Variants in HAPLN4 observed in about 807,000 individuals in gnomAD.
HAPLN4 encodes brain link protein 2.
In HAPLN4, 19 loss-of-function variants were observed where a neutral mutation model predicts 28.0. The observed-to-expected ratio is 0.68, with a 90% CI of 0.47 to 1.00. The LOEUF is 1.00. HAPLN4 is among the 50% of genes least tolerant of loss of function. The probability of loss-of-function intolerance (pLI) is 0.00; values close to 1 mark genes in which losing one functional copy is unlikely to be tolerated. For synonymous variants in HAPLN4, 274 were observed against 273.0 expected (o/e 1.00, Z -0.03); for missense variants, 587 against 602.6 (o/e 0.97, Z 0.27).
chr19:19,261,947 G>A (rs949426096), intron 1 of HAPLN4, among the ~76,000 whole-genome samples: 3 of 152,164 alleles, frequency 2.0e-5, no homozygotes, highest in African/African-American at 7.2e-5. Context: ...AAACCGGGCC[G>A]GGGCGGGCAG....
At position 19,257,729 on chromosome 19, in the gene HAPLN4, C is replaced by G; in HGVS notation, c.*88G>C. 7.4e-7 allele frequency: 1 copy of G among 1,345,160 alleles called. No homozygotes were observed. Among genetic ancestry groups the G allele is most frequent in the East Asian group, 2.9e-5 (1 of 35,066 alleles). The allele number at this position is 1,345,160 out of a possible 1,614,324, so 83.3% of individuals were successfully genotyped here. A position where few individuals can be genotyped will look rare whatever the true frequency, so the allele number is the denominator to read the frequency against. On this transcript the variant is annotated 3_prime_UTR_variant, in exon 5 of 5. Transcript: ENST00000291481. ...GACCACAGGGAATGTGGCCAGTGTC[C>G]AGGGCTTCAAGGGCGTGGCCAGGCT...
Position 19,257,883 on chromosome 19 carries a change from C to A in HAPLN4, c.1143G>T (p.Trp381Cys). Residue 381 changes from tryptophan (W) to cysteine (C), a missense_variant, in exon 5 of 5, where the codon TGG (tryptophan) becomes TGT (cysteine). Trp to Cys is a radical substitution (Grantham distance 215). Transcript: ENST00000291481. Reference sequence around the variant, plus strand: ...CCCCTGCCCAGCCGCCGCCGCCCGCCCAGCCCCAGCCCCAGCCGCCAGGTG... The same window carrying A: ...CCCCTGCCCAGCCGCCGCCGCCCGCACAGCCCCAGCCCCAGCCGCCAGGTG... ...DPAPGGWGWG[W>C]AGGGGWAGGA... 6.8e-7 allele frequency: 1 copy of A among 1,460,462 alleles called. No homozygotes were observed. The highest frequency in any genetic ancestry group is 9.0e-7 in the Non-Finnish European group (1 of 1,114,834). The allele number at this position is 1,460,462 out of a possible 1,614,324, so 90.5% of individuals were successfully genotyped here.
chr19:19,258,046 C>A lies in HAPLN4; in HGVS notation c.980G>T (p.Ser327Ile). 6.5e-7 allele frequency: 1 copy of A among 1,547,372 alleles called. No individual in the cohort carries two copies. The highest frequency in any genetic ancestry group is 1.2e-5 in the South Asian group (1 of 85,380). Residue 327 changes from serine (S) to isoleucine (I), a missense_variant, in exon 5 of 5, where the codon AGT becomes ATT. Ser to Ile is a moderately radical substitution (Grantham distance 142). Coordinates refer to ENST00000291481, the MANE Select transcript of HAPLN4 (RefSeq NM_023002.3). This position sits in a 1 kb window ranked among gnomAD's most constrained non-coding sequence, Gnocchi z 6.2. ...CGGGTTCACGATGGGGTAGCGCGCA[C>A]TGCCATCGGCCAGCCAACCCGCGGT... ...RCTAGWLADGSARYPIVNPRA... is the reference protein window; with the variant it reads ...RCTAGWLADGIARYPIVNPRA...
Position 19,258,307 on chromosome 19 carries a change from G to T in HAPLN4, c.818-99C>A. On this transcript the variant is annotated intron_variant, in intron 4 of 4. Transcript: ENST00000291481. This position sits in a 1 kb window ranked among gnomAD's most constrained non-coding sequence, Gnocchi z 6.2. ...CCCCCGCATGCAGCCTAGGACTCTGGCCTCGGCCCCGGGATCCAGGAACAG... is the reference window on the plus strand; with the variant it reads ...CCCCCGCATGCAGCCTAGGACTCTGTCCTCGGCCCCGGGATCCAGGAACAG... 1 of 1,298,486 alleles carries T rather than the reference G, an allele frequency of 7.7e-7. No homozygotes were observed. Among genetic ancestry groups the T allele is most frequent in the Non-Finnish European group, 1.0e-6 (1 of 972,194 alleles). The allele number at this position is 1,298,486 out of a possible 1,614,324, so 80.4% of individuals were successfully genotyped here.
intron 1 of HAPLN4, among the ~76,000 whole-genome samples, chr19:19,262,206 G>C (rs1308866122): frequency 6.7e-6 from 1 of 150,056 alleles, no homozygotes; most frequent in South Asian, 2.1e-4. Context: ...ATACAGAGAT[G>C]GAGAGGGAAA....
chr19:19,258,099 C>A lies in HAPLN4; in HGVS notation c.927G>T (p.Ala309=), dbSNP rs757608400. Residue 309 remains alanine (A), a synonymous_variant, in exon 5 of 5, where the codon GCG becomes GCT. Coordinates refer to ENST00000291481, the MANE Select transcript of HAPLN4 (RefSeq NM_023002.3). This position sits in a 1 kb window ranked among gnomAD's most constrained non-coding sequence, Gnocchi z 6.2. Reference sequence around the variant, plus strand: ...AGCGGTCTAGCAGCTGCAGCTTCCACGCGGCGAACAGCTGCCCCACCTTGG... The same window carrying A: ...AGCGGTCTAGCAGCTGCAGCTTCCAAGCGGCGAACAGCTGCCCCACCTTGG... ...AVAKVGQLFA[A]WKLQLLDRCT... is the part of the protein sequence containing the mutation. 95 of 1,552,424 alleles carry A rather than the reference C, an allele frequency of 6.1e-5. No individual in the cohort carries two copies. Among genetic ancestry groups the A allele is most frequent in the Non-Finnish European group, 7.9e-5 (91 of 1,156,046 alleles).
intron 3 of HAPLN4, among the ~76,000 whole-genome samples, chr19:19,259,722 A>G (rs1253970499): frequency 6.6e-6 from 1 of 152,176 alleles, no homozygotes; most frequent in East Asian, 1.9e-4. Context: ...AGTAAAGGAG[A>G]GCTGCTGCTA....
Position 19,256,481 on chromosome 19 carries a change from C to T in HAPLN4, c.*1336G>A, listed in dbSNP as rs2060966061. 6.6e-6 allele frequency: 1 copy of T among 152,620 alleles called. No homozygotes were observed. The highest frequency in any genetic ancestry group is 2.4e-5 in the African/African-American group (1 of 41,424). The allele number at this position is 152,620 out of a possible 1,614,324, so 9.5% of individuals were successfully genotyped here. A position where few individuals can be genotyped will look rare whatever the true frequency, so the allele number is the denominator to read the frequency against. On this transcript the variant is annotated 3_prime_UTR_variant, in exon 5 of 5. Transcript: ENST00000291481. Reference sequence around the variant, plus strand: ...AGGACAACGTTGACAGTCTCTATGGCAACAGCTTGGTGAACAGGGCCCCGT... The same window carrying T: ...AGGACAACGTTGACAGTCTCTATGGTAACAGCTTGGTGAACAGGGCCCCGT...
In HAPLN4 at chr19:19,258,309, C is replaced by T. The variant is rs2060972756; in HGVS notation, c.818-101G>A. ...CCCGCATGCAGCCTAGGACTCTGGC[C>T]TCGGCCCCGGGATCCAGGAACAGTT... On this transcript the variant is annotated intron_variant, in intron 4 of 4. Coordinates refer to ENST00000291481, the MANE Select transcript of HAPLN4 (RefSeq NM_023002.3). The surrounding 1 kb of genome is among the most constrained non-coding windows in gnomAD (Gnocchi z 6.2). The T allele has an allele frequency of 7.7e-7, 1 of 1,301,952 alleles. No homozygotes were observed. The highest frequency in any genetic ancestry group is 1.0e-6 in the Non-Finnish European group (1 of 975,422). The allele number at this position is 1,301,952 out of a possible 1,614,324, so 80.6% of individuals were successfully genotyped here.
chr19:19,258,569 G>T lies in HAPLN4; in HGVS notation c.771C>A (p.Asn257Lys), dbSNP rs745741491. 6 of 1,613,620 alleles carry T rather than the reference G, an allele frequency of 3.7e-6. No homozygotes were observed. In the African/African-American group the frequency reaches 4.0e-5, roughly 11 times the overall value. ...AGAAGGCGTCGTAGCGTTCCTCGGCGTTATGGCGATACCCGTAGTTGCGCA... is the reference window on the plus strand; with the variant it reads ...AGAAGGCGTCGTAGCGTTCCTCGGCTTTATGGCGATACCCGTAGTTGCGCA... ...GGLRNYGYRHNAEERYDAFCF... is the reference protein window; with the variant it reads ...GGLRNYGYRHKAEERYDAFCF... Residue 257 changes from asparagine (N) to lysine (K), a missense_variant, in exon 4 of 5, where the codon AAC (asparagine) becomes AAA (lysine). Asn to Lys is a moderately conservative substitution (Grantham distance 94, BLOSUM62 0). Transcript: ENST00000291481. This position sits in a 1 kb window ranked among gnomAD's most constrained non-coding sequence, Gnocchi z 6.2.
rs752042742 is a variant in HAPLN4, at chr19:19,258,204, G to C, written c.822C>G (p.Arg274=). The change falls in exon 5 of 5, where the codon CGC becomes CGG. Residue 274 remains arginine, a synonymous_variant. Coordinates refer to ENST00000291481, the MANE Select transcript of HAPLN4 (RefSeq NM_023002.3). This position sits in a 1 kb window ranked among gnomAD's most constrained non-coding sequence, Gnocchi z 6.2. ...GTCGCAGCGGCTTCAGGAAGAACAC[G>C]CGCCCTGCGGGGGTGAGGTGGGGGG... ...AFCFTSNLPG[R]VFFLKPLRPV... is the part of the protein sequence containing the mutation. The C allele has an allele frequency of 1.3e-6, 2 of 1,494,848 alleles. No homozygotes were observed. The highest frequency in any genetic ancestry group is 2.2e-5 in the Admixed American group (1 of 45,268). 92.6% of individuals were successfully genotyped at this position (1,494,848 alleles called of 1,614,324 possible).
In HAPLN4 at chr19:19,257,957, G is replaced by A. The variant is rs868428225; in HGVS notation, c.1069C>T (p.Arg357Trp). ...RSLGFPDATR[R>W]LFGVYCYRAP... ...CGGTAGCAGTAGACGCCGAAGAGCCGTCGGGTGGCGTCCGGGAAGCCGAGG... is the reference window on the plus strand; with the variant it reads ...CGGTAGCAGTAGACGCCGAAGAGCCATCGGGTGGCGTCCGGGAAGCCGAGG... The change falls in exon 5 of 5, where the codon CGG (arginine) becomes TGG (tryptophan). Residue 357 changes from arginine (R) to tryptophan (W), a missense_variant. Physicochemically the swap from Arg to Trp is moderately radical, Grantham distance 101. Coordinates refer to ENST00000291481, the MANE Select transcript of HAPLN4 (RefSeq NM_023002.3). 2.0e-6 allele frequency: 3 copies of A among 1,513,290 alleles called. No individual in the cohort carries two copies. Among genetic ancestry groups the A allele is most frequent in the African/African-American group, 1.4e-5 (1 of 69,858 alleles). 93.7% of individuals were successfully genotyped at this position (1,513,290 alleles called of 1,614,324 possible).
rs767404192 is a variant in HAPLN4, at chr19:19,262,750, C to T, written c.-18G>A. 2 of 1,608,074 alleles carry T rather than the reference C, an allele frequency of 1.2e-6. No homozygotes were observed. The highest frequency in any genetic ancestry group is 1.7e-6 in the Non-Finnish European group (2 of 1,176,534). ...CTTACCATCTTGCCCGCGCGGCCCCCGCCGAGCGGCCCCTACGCACCCGGA... is the reference window on the plus strand; with the variant it reads ...CTTACCATCTTGCCCGCGCGGCCCCTGCCGAGCGGCCCCTACGCACCCGGA... On this transcript the variant is annotated 5_prime_UTR_variant, in exon 1 of 5. Coordinates refer to ENST00000291481, the MANE Select transcript of HAPLN4 (RefSeq NM_023002.3).
In HAPLN4 at chr19:19,261,258, C is replaced by A. The variant is rs1446691404; in HGVS notation, c.122-83G>T. 10 of 1,401,674 alleles carry A rather than the reference C, an allele frequency of 7.1e-6. No homozygotes were observed. The African/African-American group carries it at 7.2e-5, about 10-fold the overall frequency. The allele number at this position is 1,401,674 out of a possible 1,614,324, so 86.8% of individuals were successfully genotyped here. On this transcript the variant is annotated intron_variant, in intron 2 of 4. Coordinates refer to ENST00000291481, the MANE Select transcript of HAPLN4 (RefSeq NM_023002.3). Reference sequence around the variant, plus strand: ...GGGAAGGTGTCTCTGGGGAGGGGAACGTGGGAAGACTCGGGTGGGGGTCGG... The same window carrying A: ...GGGAAGGTGTCTCTGGGGAGGGGAAAGTGGGAAGACTCGGGTGGGGGTCGG...
Position 19,260,764 on chromosome 19 carries a change from C to A in HAPLN4, c.484+49G>T, listed in dbSNP as rs1328625485. 1.9e-6 allele frequency: 3 copies of A among 1,576,038 alleles called. No homozygotes were observed. The South Asian group carries it at 3.4e-5, about 18-fold the overall frequency. On this transcript the variant is annotated intron_variant, in intron 3 of 4. Transcript: ENST00000291481. ...GGTTTATGTCCCTTGCCATCCCCGC[C>A]CCCCTCCTTCCTCAGAAGCAAGGTT...
At chr19:19,259,840 A>G (rs1198324290) in intron 3 of HAPLN4, among the ~76,000 whole-genome samples, 1 of 152,170 alleles carries the variant, frequency 6.6e-6, no homozygotes, top group Non-Finnish European at 1.5e-5. Flanking sequence ...ATGGGAGGGA[A>G]TTCTTCAAAT....
At position 19,258,108 on chromosome 19, in the gene HAPLN4, C is replaced by A. The variant is rs1327293744; in HGVS notation, c.918G>T (p.Leu306=). The A allele has an allele frequency of 1.3e-6, 2 of 1,551,090 alleles. No homozygotes were observed. Among genetic ancestry groups the A allele is most frequent in the Admixed American group, 3.7e-5 (2 of 53,456 alleles). ...GCAGCTGCAGCTTCCACGCGGCGAACAGCTGCCCCACCTTGGCCACGGCCG... is the reference window on the plus strand; with the variant it reads ...GCAGCTGCAGCTTCCACGCGGCGAAAAGCTGCCCCACCTTGGCCACGGCCG... ...RGAAVAKVGQ[L]FAAWKLQLLD... is the part of the protein sequence containing the mutation. Residue 306 remains leucine, a synonymous_variant, in exon 5 of 5, where the codon CTG becomes CTT. Transcript: ENST00000291481. The surrounding 1 kb of genome is among the most constrained non-coding windows in gnomAD (Gnocchi z 6.2).
chr19:19,262,354 A>C (rs2060987042), intron 1 of HAPLN4, among the ~76,000 whole-genome samples: 1 of 150,786 alleles, frequency 6.6e-6, no homozygotes. Flanking sequence ...AGGGAGACAG[A>C]GAGGCAGAGG....
chr19:19,262,729 C>T lies in HAPLN4; in HGVS notation c.3+1G>A, dbSNP rs777021904. ...CCACCCGCGCCCGCAGCCCCACTTA[C>T]CATCTTGCCCGCGCGGCCCCCGCCG... On this transcript the variant is annotated splice_donor_variant, in intron 1 of 4. Coordinates refer to ENST00000291481, the MANE Select transcript of HAPLN4 (RefSeq NM_023002.3). LOFTEE classifies it high-confidence loss of function. 1 of 1,612,016 alleles carries T rather than the reference C, an allele frequency of 6.2e-7. No individual in the cohort carries two copies. The highest frequency in any genetic ancestry group is 1.7e-5 in the Admixed American group (1 of 59,842).
Sources: gnomAD v4.1 joint callset for allele counts (sites outside exome capture counted in the v4.1 genomes callset) on GRCh38, gnomAD v4.1.1 for gene constraint, Gnocchi (gnomAD v3.1) non-coding constraint, MANE v1.5 for transcripts, NCBI Gene and HGNC (gene_info 2026-07-23, HGNC 2026-07-21) for gene names.